NR3C1: variants seen among roughly 807,000 people sequenced by gnomAD.
The protein encoded by NR3C1 is glucocorticoid receptor.
NR3C1 carries 14 observed loss-of-function variants against 74.0 expected under a neutral mutation model. The observed-to-expected ratio is 0.19, with a 90% confidence interval of 0.12 to 0.30. The LOEUF is 0.30. Ranked by LOEUF, NR3C1 falls within the 10% of genes least tolerant of loss-of-function variation. The pLI is 1.00. For synonymous variants in NR3C1, 308 were observed against 332.5 expected, an observed-to-expected ratio of 0.93 and a Z score of 0.80; for missense variants, 695 against 909.8, an observed-to-expected ratio of 0.76 and a Z score of 3.04.
In NR3C1 at chr5:143,353,724, C is replaced by T. The variant is rs189812842; in HGVS notation, c.1185-39556G>A. ...ATAAACAGATGTGCTGTCATCCAGG[C>T]TTTGTTGTTTCATTTCTAGAGTACA... is the stretch of plus-strand genomic sequence containing the variant. On this transcript the variant is annotated intron_variant, in intron 2 of 8. Coordinates refer to ENST00000394464, the MANE Select transcript of NR3C1 (RefSeq NM_000176.3). 7.9e-5 allele frequency among the ~76,000 whole-genome samples: 12 copies of T among 152,218 alleles called. No individual in the cohort carries two copies. In the East Asian group the frequency reaches 2.3e-3, roughly 29 times the overall value.
At chr5:143,342,476 T>C (rs1437692908) in intron 2 of NR3C1, among the ~76,000 whole-genome samples, 6 of 152,224 alleles carry the variant, frequency 3.9e-5, no homozygotes, top group Non-Finnish European at 7.3e-5. Flanking sequence ...CATTCTGTTG[T>C]TGCTCTCCAT....
At chr5:143,354,713 A>G (rs1243110344) in intron 2 of NR3C1, among the ~76,000 whole-genome samples, 1 of 152,156 alleles carries the variant, frequency 6.6e-6, no homozygotes, top group African/African-American at 2.4e-5. Context: ...ACCTGAGGTC[A>G]GGAGTTCGAG....
chr5:143,285,609 A>G (rs1465046751), intron 7 of NR3C1, among the ~76,000 whole-genome samples: 2 of 151,160 alleles, frequency 1.3e-5, no homozygotes, highest in South Asian at 2.1e-4. Flanking sequence ...AGTAACAAAC[A>G]TATCTGGAGA....
rs1392760736 is a variant in NR3C1, at chr5:143,400,118, G to A, written c.722C>T (p.Ser241Leu). The A allele has an allele frequency of 3.1e-6, 5 of 1,614,002 alleles. No homozygotes were observed. The highest frequency in any genetic ancestry group is 4.2e-6 in the Non-Finnish European group (5 of 1,180,036). ...AATGAGAGGCTTGCAGTCCTCATTC[G>A]AGTTTCCTTCCAAAAGGAATGAATC... ...EDDSFLLEGNSNEDCKPLILP... is the reference protein window; with the variant it reads ...EDDSFLLEGNLNEDCKPLILP... The change falls in exon 2 of 9, where the codon TCG (serine) becomes TTG (leucine). Residue 241 changes from serine to leucine, a missense_variant. This residue lies in a region of NR3C1 where 497 missense variants were observed against 489.5 expected (regional missense o/e 1.02). Coordinates refer to ENST00000394464, the MANE Select transcript of NR3C1 (RefSeq NM_000176.3).
rs987338118 is a variant in NR3C1 at position 143,300,922 on chromosome 5, C to CT, written c.1469-160dup. On this transcript the variant is annotated intron_variant, in intron 4 of 8. Coordinates refer to ENST00000394464, the MANE Select transcript of NR3C1 (RefSeq NM_000176.3). This position sits in a 1 kb window ranked among gnomAD's most constrained non-coding sequence, Gnocchi z 5.2. ...AAGTGACATGGAAAAGGAGAAAAAA[C>CT]TTTTTTTTTTCTGAAAGCAAAAGAT... 1.3e-4 allele frequency among the ~76,000 whole-genome samples: 20 copies of CT among 149,616 alleles called. No homozygotes were observed. The highest frequency in any genetic ancestry group is 8.5e-4 in the South Asian group (4 of 4,708).
intron 7 of NR3C1, chr5:143,293,762 T>C: frequency 1.9e-6 from 1 of 531,452 alleles, no homozygotes; most frequent in Non-Finnish European, 2.4e-6. Context: ...TTTCCATCCT[T>C]ATGATTCTAT....
chr5:143,315,767 A>G (rs563113027), intron 2 of NR3C1, among the ~76,000 whole-genome samples: 1 of 152,328 alleles, frequency 6.6e-6, no homozygotes, highest in African/African-American at 2.4e-5. Flanking sequence ...TTTAGGAATA[A>G]AAGTTAAAAG....
chr5:143,331,537 G>C (rs571278566), intron 2 of NR3C1, among the ~76,000 whole-genome samples: 6 of 152,200 alleles, frequency 3.9e-5, no homozygotes, highest in South Asian at 2.1e-4. Context: ...CAACCTAAAA[G>C]CCCATCAACA....
intron 2 of NR3C1, among the ~76,000 whole-genome samples, chr5:143,322,648 A>C (rs931668057): frequency 6.6e-6 from 1 of 152,248 alleles, no homozygotes; most frequent in Non-Finnish European, 1.5e-5. Flanking sequence ...AATCCTAAAA[A>C]GACATTTATA....
At chr5:143,340,476 ATTT>A (rs3074500) in intron 2 of NR3C1, among the ~76,000 whole-genome samples, 3 of 89,150 alleles carry the variant, frequency 3.4e-5, no homozygotes, top group Admixed American at 1.4e-4. Flanking sequence ...TTTAAAGATG[ATTT>A]TTTTTTTTTT....
rs1330057814 is a variant in NR3C1, at chr5:143,400,719, C to A, written c.121G>T (p.Val41Phe). The stretch of plus-strand genomic sequence containing the variant: ...GCCAGTGAGGGTGAAGACGCAGAAA[C>A]CTTCACAGTAGCTCCTCCTCTTAGG... ...KTLRGGATVK[V>F]SASSPSLAVA... Residue 41 changes from valine (V) to phenylalanine (F), a missense_variant, in exon 2 of 9, where the codon GTT becomes TTT. Val to Phe is a conservative substitution (Grantham distance 50, BLOSUM62 -1). Around this residue, in one of 4 missense-constraint regions of NR3C1, gnomAD observed 497 missense variants for 489.5 expected, o/e 1.02. Transcript: ENST00000394464. 2 of 1,614,222 alleles carry A rather than the reference C, an allele frequency of 1.2e-6. No individual in the cohort carries two copies. Among genetic ancestry groups the A allele is most frequent in the East Asian group, 2.2e-5 (1 of 44,888 alleles).
chr5:143,399,642 A>C lies in NR3C1; in HGVS notation c.1184+14T>G, dbSNP rs1839872752. The stretch of plus-strand genomic sequence containing the variant: ...ATGTACCATTCTTAAGAAACAGAAA[A>C]ACACTGATCTTACCTTGAATAGCCA... On this transcript the variant is annotated intron_variant, in intron 2 of 8. Coordinates refer to ENST00000394464, the MANE Select transcript of NR3C1 (RefSeq NM_000176.3). 6.4e-7 allele frequency: 1 copy of C among 1,562,034 alleles called. No individual in the cohort carries two copies. Among genetic ancestry groups the C allele is most frequent in the Non-Finnish European group, 8.8e-7 (1 of 1,132,676 alleles).
chr5:143,340,379 G>GCTGACT (rs1827955897), intron 2 of NR3C1, among the ~76,000 whole-genome samples: 2 of 151,808 alleles, frequency 1.3e-5, no homozygotes, highest in African/African-American at 4.8e-5. Flanking sequence ...AAATTGACAG[G>GCTGACT]CTGACTCTAA....
intron 2 of NR3C1, among the ~76,000 whole-genome samples, chr5:143,342,747 T>C (rs1034853489): frequency 4.6e-5 from 7 of 152,186 alleles, no homozygotes; most frequent in Middle Eastern, 3.2e-3. Context: ...GTAAAACAGA[T>C]TGTGTTTTCA....
chr5:143,407,865 T>A (rs763122560), upstream of NR3C1, among the ~76,000 whole-genome samples: 1 of 152,214 alleles, frequency 6.6e-6, no homozygotes, highest in Non-Finnish European at 1.5e-5. Flanking sequence ...CAATAACTCT[T>A]GATTCTAGTG....
chr5:143,367,497 T>C (rs1444634239), intron 2 of NR3C1, among the ~76,000 whole-genome samples: 1 of 152,186 alleles, frequency 6.6e-6, no homozygotes, highest in Non-Finnish European at 1.5e-5. Context: ...TGATCTTATA[T>C]ATAGAAATCC....
At chr5:143,435,249 C>T (rs1213686729) in exon 1 of NR3C1, 8 of 985,294 alleles carry the variant, frequency 8.1e-6, no homozygotes, top group African/African-American at 1.7e-5. Context: ...CCAGTGCTTC[C>T]GTTGGACACA....
At chr5:143,360,789 C>G (rs552674520) in intron 2 of NR3C1, among the ~76,000 whole-genome samples, 2 of 152,266 alleles carry the variant, frequency 1.3e-5, no homozygotes, top group Admixed American at 1.3e-4. Flanking sequence ...TCTAATATGA[C>G]TGATATATCA....
intron 1 of NR3C1, among the ~76,000 whole-genome samples, chr5:143,413,150 A>C (rs1312546555): frequency 6.6e-6 from 1 of 152,202 alleles, no homozygotes; most frequent in Non-Finnish European, 1.5e-5. Context: ...AAGTCATTAT[A>C]GAACAATGCA....
Sources: gnomAD v4.1 joint callset for allele counts (sites outside exome capture counted in the v4.1 genomes callset) on GRCh38, gnomAD v4.1.1 for gene constraint, gnomAD v4.1.1 regional missense constraint, Gnocchi (gnomAD v3.1) non-coding constraint, MANE v1.5 for transcripts, NCBI Gene and HGNC (gene_info 2026-07-23, HGNC 2026-07-21) for gene names.